Variants in SRPK2 observed in about 807,000 individuals in gnomAD.
The protein encoded by SRPK2 is SFRS protein kinase 2.
In SRPK2, 21 loss-of-function variants were observed where a neutral mutation model predicts 90.8. That is an observed-to-expected ratio of 0.23 (90% CI 0.16 to 0.33). The LOEUF is 0.33. Among genes scored for constraint, SRPK2 ranks in the 10% least tolerant of loss-of-function variants. The pLI is 1.00. For synonymous variants in SRPK2, 288 were observed against 311.1 expected (o/e 0.93, Z 0.78); for missense variants, 620 against 869.0 (o/e 0.71, Z 3.60).
chr7:105,173,735 C>G (rs915022626), intron 3 of SRPK2, among the ~76,000 whole-genome samples: 4 of 152,140 alleles, frequency 2.6e-5, no homozygotes, highest in Non-Finnish European at 5.9e-5. Flanking sequence ...CACCAGAGAA[C>G]AGAAAAGGAG....
chr7:105,199,224 A>T (rs1366511770), intron 3 of SRPK2, among the ~76,000 whole-genome samples: 1 of 152,092 alleles, frequency 6.6e-6, no homozygotes, highest in Non-Finnish European at 1.5e-5. Context: ...CTGCCCTCCA[A>T]CCCAAGTGTC....
chr7:105,192,828 G>A (rs1317338305), intron 3 of SRPK2, among the ~76,000 whole-genome samples: 1 of 151,938 alleles, frequency 6.6e-6, no homozygotes, highest in East Asian at 1.9e-4. Context: ...ATAGTCTATT[G>A]GCCATCTGTA....
intron 9 of SRPK2, among the ~76,000 whole-genome samples, chr7:105,144,428 ACAGGATTTCAC>A (rs1477937797): frequency 1.3e-5 from 2 of 151,534 alleles, no homozygotes; most frequent in Non-Finnish European, 2.9e-5. Flanking sequence ...TTTGGTAGAG[ACAGGATTTCAC>A]CATGTTGGCC....
At chr7:105,269,478 A>C (rs1386000490) in intron 2 of SRPK2, among the ~76,000 whole-genome samples, 3 of 152,166 alleles carry the variant, frequency 2.0e-5, no homozygotes, top group African/African-American at 7.2e-5. Flanking sequence ...GAGACTTCTG[A>C]TTTTATACCT....
chr7:105,201,889 G>GA (rs1180230461), intron 3 of SRPK2, among the ~76,000 whole-genome samples: 2 of 151,946 alleles, frequency 1.3e-5, no homozygotes, highest in African/African-American at 4.8e-5. Flanking sequence ...CTCAGAAAAA[G>GA]AAAAAACAAG....
chr7:105,153,326 C>T (rs1806009327), intron 7 of SRPK2, among the ~76,000 whole-genome samples: 1 of 152,154 alleles, frequency 6.6e-6, no homozygotes, highest in South Asian at 2.1e-4. Flanking sequence ...AGAGAAAGTT[C>T]CTTCTTTTCC....
chr7:105,340,682 G>A (rs1440883737), intron 2 of SRPK2, among the ~76,000 whole-genome samples: 2 of 152,046 alleles, frequency 1.3e-5, no homozygotes, highest in Non-Finnish European at 2.9e-5. Flanking sequence ...GGGCTCGAAC[G>A]ATCTTCCTGC....
intron 2 of SRPK2, among the ~76,000 whole-genome samples, chr7:105,284,255 T>A (rs1807735051): frequency 6.6e-6 from 1 of 151,996 alleles, no homozygotes; most frequent in Non-Finnish European, 1.5e-5. Flanking sequence ...GTTATAAAGG[T>A]CAGAATGACT....
chr7:105,388,951 G>C, upstream of SRPK2: 3 of 1,171,838 alleles, frequency 2.6e-6, no homozygotes, highest in Non-Finnish European at 3.2e-6. Flanking sequence ...CGCTCCAGCA[G>C]GGACCCAGCA....
At position 105,169,182 on chromosome 7, in the gene SRPK2, T is replaced by C; in HGVS notation, c.313A>G (p.Thr105Ala). ...IRKLGWGHFS[T>A]VWLCWDMQGK... is the part of the protein sequence containing the mutation. Reference sequence around the variant, plus strand: ...TGCATATCCCAGCACAGCCAGACAGTAGAGAAGTGCCCCCATCCAAGCTTT... The same window carrying C: ...TGCATATCCCAGCACAGCCAGACAGCAGAGAAGTGCCCCCATCCAAGCTTT... The change falls in exon 4 of 16, where the codon ACT becomes GCT. Residue 105 changes from threonine (T) to alanine (A), a missense_variant. Physicochemically the swap from Thr to Ala is moderately conservative, Grantham distance 58. Coordinates refer to ENST00000393651, the MANE Select transcript of SRPK2 (RefSeq NM_182692.3). 6.2e-7 allele frequency: 1 copy of C among 1,613,074 alleles called. No individual in the cohort carries two copies. Among genetic ancestry groups the C allele is most frequent in the Non-Finnish European group, 8.5e-7 (1 of 1,179,832 alleles).
At chr7:105,254,523 T>G (rs192019154) in intron 2 of SRPK2, among the ~76,000 whole-genome samples, 1 of 152,228 alleles carries the variant, frequency 6.6e-6, no homozygotes, top group Non-Finnish European at 1.5e-5. Flanking sequence ...GCAACCTTTA[T>G]AAATGATACT....
At chr7:105,124,880 C>T (rs1411135299) in intron 15 of SRPK2, among the ~76,000 whole-genome samples, 2 of 151,832 alleles carry the variant, frequency 1.3e-5, no homozygotes, top group African/African-American at 4.8e-5. Context: ...GCCTGTAATC[C>T]CAGCACTTTG....
In SRPK2 at chr7:105,234,189, A is replaced by C. The variant is rs61268159; in HGVS notation, c.72-30404T>G. Among the ~76,000 whole-genome samples the C allele has an allele frequency of 3.3e-3, 503 of 152,298 alleles. 1 individual carries two copies. The highest frequency in any genetic ancestry group is 0.011 in the African/African-American group (468 of 41,578). ...ATTTTAGTAATTTCAGTTATGTAAA[A>C]AGAAAAAGACTACAAAGATTTATAC... On this transcript the variant is annotated intron_variant, in intron 2 of 15. Transcript: ENST00000393651.
intron 6 of SRPK2, among the ~76,000 whole-genome samples, chr7:105,162,844 A>T (rs1227685824): frequency 2.6e-5 from 4 of 152,200 alleles, no homozygotes; most frequent in Non-Finnish European, 5.9e-5. Context: ...ACCCACTAGA[A>T]CGTATATTTC....
At chr7:105,276,084 AT>A (rs777947696) in intron 2 of SRPK2, among the ~76,000 whole-genome samples, 4,549 of 86,266 alleles carry the variant, frequency 0.053, 89 homozygotes, top group Non-Finnish European at 0.076. Context: ...ATATATATAT[AT>A]TTTTTTTTTT....
intron 2 of SRPK2, among the ~76,000 whole-genome samples, chr7:105,320,457 A>T (rs1305308491): frequency 6.6e-6 from 1 of 152,212 alleles, no homozygotes; most frequent in Non-Finnish European, 1.5e-5. Flanking sequence ...ATCAATAATT[A>T]CCTTGAGAAT....
chr7:105,279,692 A>G (rs1807007112), intron 2 of SRPK2, among the ~76,000 whole-genome samples: 1 of 152,236 alleles, frequency 6.6e-6, no homozygotes, highest in Admixed American at 6.5e-5. Context: ...TAGCCTCACA[A>G]TTACTCCCGT....
chr7:105,212,054 A>G (rs1179240500), intron 2 of SRPK2, among the ~76,000 whole-genome samples: 1 of 152,156 alleles, frequency 6.6e-6, no homozygotes, highest in Non-Finnish European at 1.5e-5. Flanking sequence ...TTCCCATTTT[A>G]CACATTAATT....
chr7:105,372,550 C>T (rs980895747), intron 2 of SRPK2, among the ~76,000 whole-genome samples: 2 of 152,098 alleles, frequency 1.3e-5, no homozygotes, highest in Non-Finnish European at 2.9e-5. Context: ...CACCCCAACC[C>T]AAACAAAGGA....
Sources: allele counts gnomAD v4.1 joint callset (sites outside exome capture counted in the v4.1 genomes callset), GRCh38; gene constraint gnomAD v4.1.1; transcripts MANE v1.5; gene names NCBI Gene and HGNC (gene_info 2026-07-23, HGNC 2026-07-21).